EFEMP1: variants seen among roughly 807,000 people sequenced by gnomAD.
EFEMP1 encodes EGF-containing fibulin-like extracellular matrix protein 1.
Under a neutral mutation model 65.7 loss-of-function variants are expected in EFEMP1, and 18 were observed. The observed-to-expected ratio is 0.27, with a 90% CI of 0.19 to 0.41. The LOEUF (loss-of-function observed/expected upper bound fraction) is 0.41, where lower values mean the gene tolerates loss of function less well. Among genes scored for constraint, EFEMP1 ranks in the 10% least tolerant of loss-of-function variants. The pLI, the probability that EFEMP1 is intolerant of heterozygous loss-of-function variation, is 1.00. For missense variants in EFEMP1, 469 were observed against 624.8 expected (o/e 0.75, Z 2.66); for synonymous variants, 237 against 219.7 (o/e 1.08, Z -0.70).
chr2:55,878,393 T>G lies in EFEMP1; in HGVS notation c.641-528A>C, dbSNP rs115697870. ...CAAATAAAAGAACACTGTGGAAGAA[T>G]TGGATGCTAAATAAGTTACCTCTTG... On this transcript the variant is annotated intron_variant, in intron 6 of 11. Coordinates refer to ENST00000355426, the MANE Select transcript of EFEMP1 (RefSeq NM_001039348.3). Among the ~76,000 whole-genome samples the G allele has an allele frequency of 4.3e-3, 661 of 152,234 alleles. 3 individuals are homozygous for G. The highest frequency in any genetic ancestry group is 0.015 in the African/African-American group (627 of 41,542).
rs988062491 is a variant in EFEMP1 at position 55,867,748 on chromosome 2, A to G, written c.1321-514T>C. Among the ~76,000 whole-genome samples the G allele has an allele frequency of 4.6e-5, 7 of 152,302 alleles. No individual in the cohort carries two copies. The highest frequency in any genetic ancestry group is 4.6e-4 in the Admixed American group (7 of 15,284). ...AAAGGTGTATGTATAAAGGGAAGAA[A>G]AGGAAGAGCCCTGAAGCACTGAGGG... On this transcript the variant is annotated intron_variant, in intron 11 of 11. Transcript: ENST00000355426. This position sits in a 1 kb window ranked among gnomAD's most constrained non-coding sequence, Gnocchi z 4.3.
intron 5 of EFEMP1, among the ~76,000 whole-genome samples, chr2:55,904,241 C>A (rs1051186019): frequency 6.6e-6 from 1 of 152,108 alleles, no homozygotes; most frequent in Non-Finnish European, 1.5e-5. Context: ...CCAGGAAGTA[C>A]CATCAATAGC....
In EFEMP1 at chr2:55,867,729, G is replaced by A. The variant is rs540145250; in HGVS notation, c.1321-495C>T. Among the ~76,000 whole-genome samples the A allele has an allele frequency of 3.9e-5, 6 of 152,276 alleles. No homozygotes were observed. The East Asian group carries it at 5.8e-4, about 15-fold the overall frequency. ...GGTACGTATGAAGATACATAAAGGT[G>A]TATGTATAAAGGGAAGAAAAGGAAG... On this transcript the variant is annotated intron_variant, in intron 11 of 11. Coordinates refer to ENST00000355426, the MANE Select transcript of EFEMP1 (RefSeq NM_001039348.3). This position sits in a 1 kb window ranked among gnomAD's most constrained non-coding sequence, Gnocchi z 4.3.
Position 55,883,923 on chromosome 2 carries a change from C to A in EFEMP1, c.518-2189G>T, listed in dbSNP as rs1669334576. ...AAACAACAACAAAAAACAAATACCA[C>A]TGTGCTCACTGCCACTACTTTCCTT... On this transcript the variant is annotated intron_variant, in intron 5 of 11. Transcript: ENST00000355426. The surrounding 1 kb of genome is among the most constrained non-coding windows in gnomAD (Gnocchi z 4.5). 6.6e-6 allele frequency among the ~76,000 whole-genome samples: 1 copy of A among 152,192 alleles called. No homozygotes were observed. Among genetic ancestry groups the A allele is most frequent in the Non-Finnish European group, 1.5e-5 (1 of 68,026 alleles).
chr2:55,884,848 C>A (rs1172363319), intron 5 of EFEMP1, among the ~76,000 whole-genome samples: 1 of 152,070 alleles, frequency 6.6e-6, no homozygotes, highest in Non-Finnish European at 1.5e-5. Context: ...GATGGGGGAT[C>A]TATGTCTTAT....
intron 5 of EFEMP1, among the ~76,000 whole-genome samples, chr2:55,901,723 T>C (rs1670041669): frequency 6.6e-6 from 1 of 152,218 alleles, no homozygotes; most frequent in South Asian, 2.1e-4. Flanking sequence ...TGGCTCTCAA[T>C]GATGCCAACA....
chr2:55,868,661 G>A (rs1019617824), intron 11 of EFEMP1, among the ~76,000 whole-genome samples: 9 of 152,082 alleles, frequency 5.9e-5, no homozygotes, highest in Non-Finnish European at 1.3e-4. Flanking sequence ...ATTTTTTGAT[G>A]TATCTGGACC....
chr2:55,867,067 A>C lies in EFEMP1; in HGVS notation c.*6T>G, dbSNP rs1668603074. 6.5e-7 allele frequency: 1 copy of C among 1,529,914 alleles called. No individual in the cohort carries two copies. The highest frequency in any genetic ancestry group is 8.9e-7 in the Non-Finnish European group (1 of 1,125,044). The allele number at this position is 1,529,914 out of a possible 1,614,324, so 94.8% of individuals were successfully genotyped here. A position where few individuals can be genotyped will look rare whatever the true frequency, so the allele number is the denominator to read the frequency against. ...TTAAATGCCTGTGGTTGACTCTTAG[A>C]AAAGACTAAAATGAAAATGGCCCCA... On this transcript the variant is annotated 3_prime_UTR_variant, in exon 12 of 12. Transcript: ENST00000355426. The surrounding 1 kb of genome is among the most constrained non-coding windows in gnomAD (Gnocchi z 4.3).
At chr2:55,880,906 T>C (rs1337565501) in intron 6 of EFEMP1, among the ~76,000 whole-genome samples, 1 of 152,230 alleles carries the variant, frequency 6.6e-6, no homozygotes, top group Non-Finnish European at 1.5e-5. Context: ...TGACACAAGA[T>C]GACCTGGTCT....
intron 8 of EFEMP1, among the ~76,000 whole-genome samples, chr2:55,876,302 A>C (rs1338874842): frequency 1.3e-5 from 2 of 152,110 alleles, no homozygotes; most frequent in Non-Finnish European, 2.9e-5. Context: ...TTGCAGCCTG[A>C]GATTCTGCAT....
chr2:55,886,090 C>G lies in EFEMP1; in HGVS notation c.518-4356G>C, dbSNP rs1432807831. 6.6e-6 allele frequency among the ~76,000 whole-genome samples: 1 copy of G among 152,156 alleles called. No individual in the cohort carries two copies. The highest frequency in any genetic ancestry group is 1.5e-5 in the Non-Finnish European group (1 of 68,022). On this transcript the variant is annotated intron_variant, in intron 5 of 11. Coordinates refer to ENST00000355426, the MANE Select transcript of EFEMP1 (RefSeq NM_001039348.3). The surrounding 1 kb of genome is among the most constrained non-coding windows in gnomAD (Gnocchi z 4.0). ...TTTTGGTTTAAGAAATAATTTAGAACTACTTTTGAATAAGCCACTGTAGAC... is the reference window on the plus strand; with the variant it reads ...TTTTGGTTTAAGAAATAATTTAGAAGTACTTTTGAATAAGCCACTGTAGAC...
At chr2:55,903,536 G>A (rs1180446288) in intron 5 of EFEMP1, among the ~76,000 whole-genome samples, 4 of 152,074 alleles carry the variant, frequency 2.6e-5, no homozygotes, top group Non-Finnish European at 4.4e-5. Flanking sequence ...GACCTACCCA[G>A]AATCAGAATT....
intron 5 of EFEMP1, among the ~76,000 whole-genome samples, chr2:55,902,830 C>G (rs1318856944): frequency 6.6e-6 from 1 of 152,060 alleles, no homozygotes; most frequent in Non-Finnish European, 1.5e-5. Context: ...AAAATGCCAT[C>G]CAAAAGGCAA....
At chr2:55,916,504 A>G (rs1670694217) in intron 5 of EFEMP1, among the ~76,000 whole-genome samples, 1 of 152,246 alleles carries the variant, frequency 6.6e-6, no homozygotes. Context: ...CCCAGGGCAC[A>G]AGAAAATGCA....
At position 55,917,857 on chromosome 2, in the gene EFEMP1, T is replaced by C. The variant is rs143704611; in HGVS notation, c.325A>G (p.Thr109Ala). 1.2e-6 allele frequency: 2 copies of C among 1,614,120 alleles called. No individual in the cohort carries two copies. The highest frequency in any genetic ancestry group is 1.7e-6 in the Non-Finnish European group (2 of 1,180,042). ...TGVVAASSMA[T>A]SGVLPGGGFV... ...CCACCCCCGGGCAACACTCCACTGG[T>C]TGCCATGCTGCTGGCAGCTACAACC... Residue 109 changes from threonine (T) to alanine (A), a missense_variant, in exon 5 of 12, where the codon ACC becomes GCC. Transcript: ENST00000355426. The surrounding 1 kb of genome is among the most constrained non-coding windows in gnomAD (Gnocchi z 6.3).
chr2:55,915,196 G>A (rs1219031515), intron 5 of EFEMP1, among the ~76,000 whole-genome samples: 1 of 152,134 alleles, frequency 6.6e-6, no homozygotes, highest in Non-Finnish European at 1.5e-5. Flanking sequence ...TTTTAACCCT[G>A]CTTTCAATGG....
intron 5 of EFEMP1, among the ~76,000 whole-genome samples, chr2:55,904,876 G>A (rs1363195248): frequency 6.6e-6 from 1 of 151,672 alleles, no homozygotes; most frequent in Non-Finnish European, 1.5e-5. Flanking sequence ...GTATCCTATT[G>A]GGTCTGTTTT....
chr2:55,876,501 G>A, intron 8 of EFEMP1, 122 bp downstream of exon 8: 4 of 1,417,018 alleles, frequency 2.8e-6, no homozygotes, highest in Non-Finnish European at 3.9e-6. Flanking sequence ...TACATTAACT[G>A]GATTTTAGAA....
At chr2:55,901,965 G>C (rs1435086449) in intron 5 of EFEMP1, among the ~76,000 whole-genome samples, 1 of 152,194 alleles carries the variant, frequency 6.6e-6, no homozygotes, top group Non-Finnish European at 1.5e-5. Context: ...GAATTTATGA[G>C]AAACAGAGGC....
Sources: allele counts gnomAD v4.1 joint callset (sites outside exome capture counted in the v4.1 genomes callset), GRCh38; gene constraint gnomAD v4.1.1; non-coding constraint Gnocchi (gnomAD v3.1); transcripts MANE v1.5; gene names NCBI Gene and HGNC (gene_info 2026-07-23, HGNC 2026-07-21).